Variants in CSMD1 observed in about 807,000 individuals in gnomAD.
The protein encoded by CSMD1 is CUB and sushi domain-containing protein 1.
CSMD1 carries 213 observed loss-of-function variants against 417.5 expected under a neutral mutation model. The ratio of observed to expected loss-of-function variants is 0.51; its 90% confidence interval spans 0.46 to 0.57. The LOEUF (loss-of-function observed/expected upper bound fraction) is 0.57. Ranked by LOEUF, CSMD1 falls within the 20% of genes least tolerant of loss-of-function variation. The pLI, the probability that CSMD1 is intolerant of heterozygous loss-of-function variation, is 0.00. For missense variants in CSMD1, 6,923 were observed against 4,529.7 expected, an observed-to-expected ratio of 1.53 and a Z score of -15.17; for synonymous variants, 2,862 against 1,736.8, an observed-to-expected ratio of 1.65 and a Z score of -16.11.
intron 3 of CSMD1, among the ~76,000 whole-genome samples, chr8:4,119,378 G>C (rs1250073756): frequency 6.6e-6 from 1 of 152,168 alleles, no homozygotes; most frequent in Non-Finnish European, 1.5e-5. Flanking sequence ...TAAAGAGGTT[G>C]ATCTACTACT....
chr8:3,057,255 G>A (rs1812294312), intron 49 of CSMD1, among the ~76,000 whole-genome samples: 2 of 152,088 alleles, frequency 1.3e-5, no homozygotes, highest in African/African-American at 4.8e-5. Context: ...CATCTTAATG[G>A]TTATTTTCCT....
In CSMD1 at chr8:4,341,298, A is replaced by C. The variant is rs1022786690; in HGVS notation, c.415+78655T>G. Among the ~76,000 whole-genome samples, 6 of 152,274 alleles carry C rather than the reference A, an allele frequency of 3.9e-5. No individual in the cohort carries two copies. In the South Asian group the frequency reaches 6.2e-4, roughly 16 times the overall value. On this transcript the variant is annotated intron_variant, in intron 3 of 69. Transcript: ENST00000635120. ...ATATGGGCATATTTCAGGCTCAAAT[A>C]TATTAAGCAATCAATCATATCACTA...
chr8:3,331,717 C>T (rs71521840), intron 23 of CSMD1, among the ~76,000 whole-genome samples: 7,865 of 152,278 alleles, frequency 0.052, 291 homozygotes, highest in Middle Eastern at 0.088. Flanking sequence ...GTTTCTCTTG[C>T]GTATGTACCT....
At chr8:4,018,247 T>G (rs1291734756) in intron 4 of CSMD1, among the ~76,000 whole-genome samples, 1 of 152,200 alleles carries the variant, frequency 6.6e-6, no homozygotes. Context: ...TTTTATGATT[T>G]AAACATTTGG....
At chr8:3,923,254 G>A (rs886373355) in intron 5 of CSMD1, among the ~76,000 whole-genome samples, 2 of 152,146 alleles carry the variant, frequency 1.3e-5, no homozygotes, top group Admixed American at 6.5e-5. Context: ...TCCAGAGTCT[G>A]GTGAGTGGAG....
At chr8:4,323,654 G>A (rs1273909317) in intron 3 of CSMD1, among the ~76,000 whole-genome samples, 1 of 152,118 alleles carries the variant, frequency 6.6e-6, no homozygotes, top group South Asian at 2.1e-4. Context: ...CAAATAAGGG[G>A]CAGTGGACTC....
At chr8:3,260,716 C>G (rs1321488682) in intron 26 of CSMD1, among the ~76,000 whole-genome samples, 1 of 152,078 alleles carries the variant, frequency 6.6e-6, no homozygotes. Context: ...ATGAGAACCT[C>G]GACCTACCTC....
At chr8:4,450,321 C>A (rs6558884) in intron 2 of CSMD1, among the ~76,000 whole-genome samples, 19 of 152,072 alleles carry the variant, frequency 1.2e-4, no homozygotes, top group Middle Eastern at 3.4e-3. Context: ...AGTATTTTTT[C>A]TTTGTTTTTT....
chr8:3,949,683 G>C (rs909248304), intron 5 of CSMD1, among the ~76,000 whole-genome samples: 1 of 152,064 alleles, frequency 6.6e-6, no homozygotes, highest in African/African-American at 2.4e-5. Flanking sequence ...GGAGGAGAAG[G>C]AGGAATATTA....
chr8:4,612,670 C>T (rs1397936669), intron 2 of CSMD1, among the ~76,000 whole-genome samples: 1 of 152,148 alleles, frequency 6.6e-6, no homozygotes, highest in African/African-American at 2.4e-5. Context: ...ACTCAACTGC[C>T]ACCCAAACCT....
In CSMD1 at chr8:3,982,113, G is replaced by C. The variant is rs538250185; in HGVS notation, c.818+15790C>G. 1.1e-4 allele frequency among the ~76,000 whole-genome samples: 16 copies of C among 150,728 alleles called. No homozygotes were observed. The South Asian group carries it at 3.1e-3, about 30-fold the overall frequency. On this transcript the variant is annotated intron_variant, in intron 5 of 69. Transcript: ENST00000635120. ...GTGGAGGTTGCAGTGAGTCGAGATT[G>C]CACAACTGCACTCCAGCCTGGGTGA... is the stretch of plus-strand genomic sequence containing the variant.
At chr8:4,340,818 C>A (rs952353159) in intron 3 of CSMD1, among the ~76,000 whole-genome samples, 5 of 152,088 alleles carry the variant, frequency 3.3e-5, no homozygotes, top group African/African-American at 9.7e-5. Context: ...TGCTTACCCA[C>A]TTCTAGAATC....
chr8:4,215,911 A>G (rs1055500696), intron 3 of CSMD1, among the ~76,000 whole-genome samples: 2 of 152,218 alleles, frequency 1.3e-5, no homozygotes, highest in African/African-American at 4.8e-5. Context: ...ACAAGAACAA[A>G]GAGAACGTGG....
At chr8:4,391,793 T>A (rs952809348) in intron 3 of CSMD1, among the ~76,000 whole-genome samples, 2 of 152,152 alleles carry the variant, frequency 1.3e-5, no homozygotes, top group Non-Finnish European at 2.9e-5. Context: ...TTTGAGCGGC[T>A]GCTAAGCTCA....
In CSMD1 at chr8:3,543,944, G is replaced by A. The variant is rs960427298; in HGVS notation, c.1344+31001C>T. Among the ~76,000 whole-genome samples the A allele has an allele frequency of 2.6e-5, 4 of 152,292 alleles. 1 individual carries two copies. The South Asian group carries it at 8.3e-4, about 32-fold the overall frequency. ...GTGTTTACAGGAAGAGACAGGAAGT[G>A]GCCAAAGCAAAGCAACTGAGAAAGC... is the stretch of plus-strand genomic sequence containing the variant. On this transcript the variant is annotated intron_variant, in intron 10 of 69. Coordinates refer to ENST00000635120, the MANE Select transcript of CSMD1 (RefSeq NM_033225.6).
At chr8:4,869,588 T>C (rs532182428) in intron 1 of CSMD1, among the ~76,000 whole-genome samples, 10 of 152,186 alleles carry the variant, frequency 6.6e-5, no homozygotes, top group African/African-American at 1.9e-4. Context: ...TTAAATGTTG[T>C]AGTTTAGTTA....
chr8:3,830,894 T>C lies in CSMD1; in HGVS notation c.819-76852A>G, dbSNP rs528821180. Among the ~76,000 whole-genome samples the C allele has an allele frequency of 3.3e-5, 5 of 152,268 alleles. No individual in the cohort carries two copies. The South Asian group carries it at 1.0e-3, about 32-fold the overall frequency. The stretch of plus-strand genomic sequence containing the variant: ...TCTTCATCGAGGTTCACTACGTTAA[T>C]AAAATCTATATTTCCTTCCTCTCAC... On this transcript the variant is annotated intron_variant, in intron 5 of 69. Coordinates refer to ENST00000635120, the MANE Select transcript of CSMD1 (RefSeq NM_033225.6).
chr8:4,213,814 A>C (rs773612040), intron 3 of CSMD1, among the ~76,000 whole-genome samples: 1 of 152,202 alleles, frequency 6.6e-6, no homozygotes, highest in Non-Finnish European at 1.5e-5. Flanking sequence ...GCATTGAGAA[A>C]GATAAGAAAA....
intron 10 of CSMD1, among the ~76,000 whole-genome samples, chr8:3,501,027 T>G (rs182228699): frequency 6.6e-6 from 1 of 152,270 alleles, no homozygotes; most frequent in East Asian, 1.9e-4. Flanking sequence ...ATATGTATTT[T>G]CCTTGACAAA....
Sources: gnomAD v4.1 joint callset for allele counts (sites outside exome capture counted in the v4.1 genomes callset) on GRCh38, gnomAD v4.1.1 for gene constraint, MANE v1.5 for transcripts, NCBI Gene and HGNC (gene_info 2026-07-23, HGNC 2026-07-21) for gene names.